NAV1: variants seen among roughly 807,000 people sequenced by gnomAD.
NAV1 encodes neuron navigator 1.
In NAV1, 18 loss-of-function variants were observed where a neutral mutation model predicts 175.2. The observed-to-expected ratio is 0.10, with a 90% CI of 0.07 to 0.15. NAV1 has a LOEUF of 0.15. Among genes scored for constraint, NAV1 ranks in the 10% least tolerant of loss-of-function variants. The pLI, the probability that NAV1 is intolerant of heterozygous loss-of-function variation, is 1.00. For missense variants in NAV1, 1,731 were observed against 2,436.6 expected (o/e 0.71, Z 6.10); for synonymous variants, 897 against 978.7 (o/e 0.92, Z 1.56).
At chr1:201,804,806 T>C (rs894488709) in intron 17 of NAV1, among the ~76,000 whole-genome samples, 11 of 152,224 alleles carry the variant, frequency 7.2e-5, no homozygotes, top group African/African-American at 2.4e-4. Flanking sequence ...AGCAGTCAAA[T>C]TGAGCTCCTC....
rs200363914 is a variant in NAV1 at position 201,768,773 on chromosome 1, A to G, written c.1227-11648A>G. Among the ~76,000 whole-genome samples the G allele has an allele frequency of 5.9e-5, 9 of 152,284 alleles. No homozygotes were observed. The East Asian group carries it at 1.7e-3, about 29-fold the overall frequency. On this transcript the variant is annotated intron_variant, in intron 3 of 29. Transcript: ENST00000367296. ...CATATGAAAGTGCCCAGGTTTGACCAATTTTTTACCTATAAGATTGGCAAT... is the reference window on the plus strand; with the variant it reads ...CATATGAAAGTGCCCAGGTTTGACCGATTTTTTACCTATAAGATTGGCAAT...
intron 29 of NAV1, among the ~76,000 whole-genome samples, chr1:201,819,198 T>A (rs1679240995): frequency 6.6e-6 from 1 of 152,220 alleles, no homozygotes; most frequent in South Asian, 2.1e-4. Flanking sequence ...CCTCCCAGTA[T>A]TCGTTGGTAT....
At chr1:201,624,336 CTTTT>C (rs1188885818) in intron 1 of NAV1, among the ~76,000 whole-genome samples, 2 of 79,444 alleles carry the variant, frequency 2.5e-5, no homozygotes, top group African/African-American at 5.4e-5. Context: ...GTCAACTACG[CTTTT>C]TTTTTTTTTT....
At chr1:201,546,989 C>T (rs1395053017) in intron 1 of NAV1, among the ~76,000 whole-genome samples, 2 of 142,000 alleles carry the variant, frequency 1.4e-5, no homozygotes, top group Non-Finnish European at 3.0e-5. Context: ...AGAACAAGGA[C>T]ATTTTTTTTT....
chr1:201,781,369 T>G, intron 5 of NAV1, 60 bp downstream of exon 9: 1 of 1,467,086 alleles, frequency 6.8e-7, no homozygotes, highest in South Asian at 1.4e-5. Flanking sequence ...TTGCTCCTCT[T>G]CTTAGTGGTC....
chr1:201,793,253 C>G (rs1677224740), intron 13 of NAV1: 1 of 153,518 alleles, frequency 6.5e-6, no homozygotes, highest in African/African-American at 2.4e-5. Context: ...CAGTTTCCTT[C>G]CAGCCTTGCA....
rs1438875290 is a variant in NAV1, at chr1:201,681,128, A to C, written c.758-31689A>C. Among the ~76,000 whole-genome samples the C allele has an allele frequency of 2.6e-5, 4 of 152,236 alleles. No homozygotes were observed. In the East Asian group the frequency reaches 7.7e-4, roughly 29 times the overall value. On this transcript the variant is annotated intron_variant, in intron 1 of 29. Transcript: ENST00000367296. Reference sequence around the variant, plus strand: ...CACAGCTGAGACCATGTCACTCCCCAGAACAGAGGCCTTCAGTGGCTTCTG... The same window carrying C: ...CACAGCTGAGACCATGTCACTCCCCCGAACAGAGGCCTTCAGTGGCTTCTG...
chr1:201,808,236 C>A lies in NAV1; in HGVS notation c.3845+87C>A. ...TGACAGGAGGCCATTAGACCTTAGA[C>A]AAGCAGTACTTATTACTGACCTCTC... On this transcript the variant is annotated intron_variant, in intron 18 of 29. Transcript: ENST00000367296. This position sits in a 1 kb window ranked among gnomAD's most constrained non-coding sequence, Gnocchi z 5.5. The A allele has an allele frequency of 6.7e-7, 1 of 1,492,320 alleles. No homozygotes were observed. Among genetic ancestry groups the A allele is most frequent in the Non-Finnish European group, 9.2e-7 (1 of 1,086,458 alleles). The allele number at this position is 1,492,320 out of a possible 1,614,324, so 92.4% of individuals were successfully genotyped here.
chr1:201,586,746 G>T (rs1440426726), intron 1 of NAV1, among the ~76,000 whole-genome samples: 1 of 152,020 alleles, frequency 6.6e-6, no homozygotes, highest in Non-Finnish European at 1.5e-5. Context: ...TTGAATTAGG[G>T]CCCCACTGAT....
chr1:201,751,793 A>T (rs1025509170), intron 3 of NAV1, among the ~76,000 whole-genome samples: 5 of 152,206 alleles, frequency 3.3e-5, no homozygotes, highest in Non-Finnish European at 7.3e-5. Flanking sequence ...GCAGGATGTC[A>T]TGCCTGGGGC....
At position 201,539,302 on chromosome 1, in the gene NAV1, G is replaced by A. The variant is rs994743489; in HGVS notation, c.-184G>A. On this transcript the variant is annotated 5_prime_UTR_variant, in exon 1 of 34. Coordinates refer to the NAV1 transcript ENST00000685211. The surrounding 1 kb of genome is among the most constrained non-coding windows in gnomAD (Gnocchi z 5.6). ...CCTTGGGGATGCGCGACTCTGCGCG[G>A]CTGCGGCGCGGACCCGGAGCCCGGG... 5.3e-5 allele frequency among the ~76,000 whole-genome samples: 8 copies of A among 152,004 alleles called. No homozygotes were observed. The highest frequency in any genetic ancestry group is 5.2e-4 in the Admixed American group (8 of 15,252).
intron 1 of NAV1, among the ~76,000 whole-genome samples, chr1:201,554,494 C>T (rs932163172): frequency 1.3e-5 from 2 of 152,198 alleles, no homozygotes; most frequent in African/African-American, 4.8e-5. Flanking sequence ...TGTCACGTTC[C>T]TGACATGCAA....
intron 1 of NAV1, among the ~76,000 whole-genome samples, chr1:201,551,145 A>T (rs1007889061): frequency 6.6e-6 from 1 of 152,138 alleles, no homozygotes; most frequent in Non-Finnish European, 1.5e-5. Context: ...GAGTTGGGGA[A>T]CCCAAGTCTT....
intron 1 of NAV1, among the ~76,000 whole-genome samples, chr1:201,651,122 C>CGTGTGTGTGTGTGTGTGTGT (rs60462710): frequency 0.012 from 1,566 of 129,106 alleles, 58 homozygotes; most frequent in Non-Finnish European, 0.017. Context: ...AGGAAGGGAC[C>CGTGTGTGTGTGTGTGTGTGT]GTGTGTGTGT....
intron 1 of NAV1, among the ~76,000 whole-genome samples, chr1:201,685,856 G>A (rs1305859528): frequency 6.6e-6 from 1 of 152,198 alleles, no homozygotes; most frequent in African/African-American, 2.4e-5. Flanking sequence ...CCATTCTTCT[G>A]AATGCCCTGG....
intron 2 of NAV1, among the ~76,000 whole-genome samples, chr1:201,640,730 A>G (rs914018172): frequency 6.6e-6 from 1 of 152,236 alleles, no homozygotes; most frequent in African/African-American, 2.4e-5. Context: ...CTTGGCTTCC[A>G]TTCCACACAC....
chr1:201,569,276 C>A (rs1451782267), intron 1 of NAV1, among the ~76,000 whole-genome samples: 1 of 152,184 alleles, frequency 6.6e-6, no homozygotes, highest in Non-Finnish European at 1.5e-5. Context: ...AGCCTGGCCA[C>A]CTCCTGGTAG....
At chr1:201,567,885 T>G (rs1257534107) in intron 1 of NAV1, among the ~76,000 whole-genome samples, 1 of 152,170 alleles carries the variant, frequency 6.6e-6, no homozygotes, top group Non-Finnish European at 1.5e-5. Context: ...CCTTTCTCTA[T>G]GTGGCACGGA....
intron 1 of NAV1, among the ~76,000 whole-genome samples, chr1:201,672,081 G>T (rs1670065716): frequency 6.6e-6 from 1 of 152,040 alleles, no homozygotes; most frequent in Non-Finnish European, 1.5e-5. Flanking sequence ...ACTGAACCAA[G>T]AACTCACTCA....
Sources: allele counts gnomAD v4.1 joint callset (sites outside exome capture counted in the v4.1 genomes callset), GRCh38; gene constraint gnomAD v4.1.1; non-coding constraint Gnocchi (gnomAD v3.1); transcripts MANE v1.5; gene names NCBI Gene and HGNC (gene_info 2026-07-23, HGNC 2026-07-21).